Variants in PLAUR observed in about 807,000 individuals in gnomAD.
PLAUR encodes the protein urokinase plasminogen activator surface receptor.
In PLAUR, 22 loss-of-function variants were observed where a neutral mutation model predicts 33.4. The observed-to-expected ratio is 0.66, with a 90% CI of 0.47 to 0.94. The LOEUF is 0.94. PLAUR is among the 40% of genes least tolerant of loss of function. The probability of loss-of-function intolerance (pLI) is 0.00; values close to 1 mark genes in which losing one functional copy is unlikely to be tolerated. For synonymous variants in PLAUR, 148 were observed against 167.3 expected, an observed-to-expected ratio of 0.88 and a Z score of 0.89; for missense variants, 408 against 434.7, an observed-to-expected ratio of 0.94 and a Z score of 0.55.
chr19:43,647,370 A>G (rs1002870221), downstream of PLAUR, among the ~76,000 whole-genome samples: 26 of 152,134 alleles, frequency 1.7e-4, no homozygotes, highest in Non-Finnish European at 7.4e-5. Flanking sequence ...GTTATCTTCT[A>G]TCCGTCTCCT....
Position 43,648,653 on chromosome 19 carries a change from C to T in PLAUR, c.*237G>A, listed in dbSNP as rs767724664. Reference sequence around the variant, plus strand: ...TTAATTAATAACAACAACACAACAGCGGCAACAATATTAATAATAACAAGA... The same window carrying T: ...TTAATTAATAACAACAACACAACAGTGGCAACAATATTAATAATAACAAGA... On this transcript the variant is annotated 3_prime_UTR_variant, in exon 7 of 7. Transcript: ENST00000340093. 1.6e-4 allele frequency: 123 copies of T among 768,254 alleles called. No homozygotes were observed. Among genetic ancestry groups the T allele is most frequent in the Middle Eastern group, 4.2e-4 (1 of 2,374 alleles). The allele number at this position is 768,254 out of a possible 1,614,324, so 47.6% of individuals were successfully genotyped here.
chr19:43,665,222 C>A, intron 3 of PLAUR, 94 bp downstream of exon 3: 1 of 1,321,402 alleles, frequency 7.6e-7, no homozygotes, highest in South Asian at 1.2e-5. Flanking sequence ...AGTTGGGGTT[C>A]AGCTGATGTA....
intron 6 of PLAUR, 62 bp from the exon 7 acceptor site, chr19:43,649,205 G>C: frequency 6.4e-7 from 1 of 1,568,166 alleles, no homozygotes; most frequent in Non-Finnish European, 8.7e-7. Context: ...GAATTCTCCA[G>C]TAGGTGACCT....
chr19:43,659,883 T>C (rs533134108), intron 3 of PLAUR, among the ~76,000 whole-genome samples: 21 of 152,306 alleles, frequency 1.4e-4, no homozygotes, highest in African/African-American at 5.1e-4. Context: ...TTCTATATTT[T>C]CTGTTGGACT....
intron 5 of PLAUR, among the ~76,000 whole-genome samples, chr19:43,655,137 G>T (rs891105202): frequency 4.6e-5 from 7 of 151,864 alleles, no homozygotes; most frequent in Non-Finnish European, 8.8e-5. Flanking sequence ...ATTAGCCAGG[G>T]GTGATGGTGG....
intron 3 of PLAUR, among the ~76,000 whole-genome samples, chr19:43,663,298 C>T (rs1488373304): frequency 7.3e-6 from 1 of 137,552 alleles, no homozygotes; most frequent in African/African-American, 2.8e-5. Flanking sequence ...GTCTGTCACC[C>T]CTACACACAC....
At chr19:43,651,011 G>A (rs1600113419) in intron 6 of PLAUR, among the ~76,000 whole-genome samples, 2 of 144,012 alleles carry the variant, frequency 1.4e-5, no homozygotes, top group South Asian at 4.4e-4. Context: ...CTAGCCTGGC[G>A]ACAGAGCAAG....
At chr19:43,656,395 C>T in intron 4 of PLAUR, 84 bp downstream of exon 4, 1 of 1,271,892 alleles carries the variant, frequency 7.9e-7, no homozygotes, top group Non-Finnish European at 1.1e-6. Flanking sequence ...GCTGACATCC[C>T]TGTTACTTTG....
chr19:43,650,472 T>C (rs1389136637), intron 6 of PLAUR, among the ~76,000 whole-genome samples: 1 of 150,438 alleles, frequency 6.6e-6, no homozygotes, highest in Non-Finnish European at 1.5e-5. Context: ...ACTACAGGCA[T>C]GCACCACCAT....
rs59542257 is a variant in PLAUR, at chr19:43,663,300, T to TACACAC, written c.310+2010_310+2015dup. ...TGGTGATGGATGGGTCTGTCACCCC[T>TACACAC]ACACACACACACACACACACACACA... On this transcript the variant is annotated intron_variant, in intron 3 of 6. Coordinates refer to ENST00000340093, the MANE Select transcript of PLAUR (RefSeq NM_002659.4). Among the ~76,000 whole-genome samples the TACACAC allele has an allele frequency of 2.6e-3, 338 of 131,900 alleles. 2 individuals are homozygous for TACACAC. The highest frequency in any genetic ancestry group is 4.3e-3 in the Middle Eastern group (1 of 232). The allele number at this position is 131,900 out of a possible 152,430, so 86.5% of individuals were successfully genotyped here.
intron 3 of PLAUR, among the ~76,000 whole-genome samples, chr19:43,659,167 CTTT>C (rs3052823): frequency 1.0e-5 from 1 of 97,138 alleles, no homozygotes; most frequent in Non-Finnish European, 1.9e-5. Flanking sequence ...CTTTTCTTTT[CTTT>C]TTTTTTTTTT....
At chr19:43,647,282 G>A (rs536775617), downstream of PLAUR, among the ~76,000 whole-genome samples, 28 of 152,186 alleles carry the variant, frequency 1.8e-4, 1 homozygote, top group East Asian at 1.9e-4. Context: ...CTTTATCCCC[G>A]GTCCCCAGCA....
In PLAUR at chr19:43,665,523, C is replaced by A; in HGVS notation, c.167-64G>T. 3.8e-6 allele frequency: 6 copies of A among 1,566,348 alleles called. No homozygotes were observed. In the South Asian group the frequency reaches 6.7e-5, roughly 17 times the overall value. ...TCAGCTCAACCAGCCTCTGACACTCCTGGTCTCAAGGTCATCCACTCCCAG... is the reference window on the plus strand; with the variant it reads ...TCAGCTCAACCAGCCTCTGACACTCATGGTCTCAAGGTCATCCACTCCCAG... On this transcript the variant is annotated intron_variant, in intron 2 of 6. Transcript: ENST00000340093.
rs115356366 is a variant in PLAUR at position 43,666,059 on chromosome 19, C to T, written c.167-600G>A. 4.4e-3 allele frequency among the ~76,000 whole-genome samples: 662 copies of T among 151,628 alleles called. 8 individuals carry two copies. Among genetic ancestry groups the T allele is most frequent in the African/African-American group, 0.015 (629 of 41,284 alleles). On this transcript the variant is annotated intron_variant, in intron 2 of 6. Coordinates refer to ENST00000340093, the MANE Select transcript of PLAUR (RefSeq NM_002659.4). ...CTTAGTGATCTCAGTACTGAGATGCCTCAAATGTAACTTTATTTTATTTAT... is the reference window on the plus strand; with the variant it reads ...CTTAGTGATCTCAGTACTGAGATGCTTCAAATGTAACTTTATTTTATTTAT...
intron 3 of PLAUR, among the ~76,000 whole-genome samples, chr19:43,657,136 G>C (rs1208038420): frequency 6.6e-6 from 1 of 151,934 alleles, no homozygotes; most frequent in Non-Finnish European, 1.5e-5. Context: ...TAGAGACAGG[G>C]TTTCACCATG....
At chr19:43,661,733 C>T (rs1448195966) in intron 3 of PLAUR, among the ~76,000 whole-genome samples, 1 of 151,946 alleles carries the variant, frequency 6.6e-6, no homozygotes, top group Non-Finnish European at 1.5e-5. Flanking sequence ...CCAGTGACTT[C>T]CAATAATTGT....
At chr19:43,649,761 A>G (rs1973916880) in intron 6 of PLAUR, among the ~76,000 whole-genome samples, 2 of 152,056 alleles carry the variant, frequency 1.3e-5, no homozygotes, top group South Asian at 4.1e-4. Context: ...AAAAAGAAAG[A>G]AAGGAAGCGA....
chr19:43,656,858 C>A, intron 3 of PLAUR: 1 of 415,408 alleles, frequency 2.4e-6, no homozygotes, highest in Non-Finnish European at 4.3e-6. Flanking sequence ...CCAGCTACCT[C>A]CCTAGCCTCT....
At chr19:43,647,431 T>C (rs952996094), downstream of PLAUR, among the ~76,000 whole-genome samples, 10 of 152,098 alleles carry the variant, frequency 6.6e-5, no homozygotes, top group African/African-American at 2.4e-4. Flanking sequence ...AACAACAAAA[T>C]AGTTGCAACC....
Sources: gnomAD v4.1 joint callset for allele counts (sites outside exome capture counted in the v4.1 genomes callset) on GRCh38, gnomAD v4.1.1 for gene constraint, MANE v1.5 for transcripts, NCBI Gene and HGNC (gene_info 2026-07-23, HGNC 2026-07-21) for gene names.